Variants in CACNA1E observed in about 807,000 individuals in gnomAD.
The protein encoded by CACNA1E is voltage-dependent R-type calcium channel subunit alpha-1E.
In CACNA1E, 40 loss-of-function variants were observed where a neutral mutation model predicts 259.2. The ratio of observed to expected loss-of-function variants is 0.15; its 90% CI spans 0.12 to 0.20. CACNA1E has a LOEUF of 0.20. Among genes scored for constraint, CACNA1E ranks in the 10% least tolerant of loss-of-function variants. CACNA1E has a pLI of 1.00. For synonymous variants in CACNA1E, 1,104 were observed against 1,138.5 expected (o/e 0.97, Z 0.61); for missense variants, 1,874 against 3,040.1 (o/e 0.62, Z 9.02).
At chr1:181,771,144 A>G (rs1007019315) in intron 35 of CACNA1E, 149 bp from the exon 36 acceptor site, 2 of 584,404 alleles carry the variant, frequency 3.4e-6, no homozygotes, top group Non-Finnish European at 6.2e-6. Context: ...CCAAAAGCAC[A>G]GTATCCAGCA....
At position 181,355,215 on chromosome 1, in the gene CACNA1E, A is replaced by C. The variant is rs534963664; in HGVS notation, c.-15+37092A>C. Among the ~76,000 whole-genome samples the C allele has an allele frequency of 3.9e-5, 6 of 152,200 alleles. No homozygotes were observed. The South Asian group carries it at 1.2e-3, about 32-fold the overall frequency. On this transcript the variant is annotated intron_variant, in intron 1 of 11. Transcript: ENST00000524607. ...CCCAAAGCAAACTCTTCATCCTTTT[A>C]AGCACCAGTTTCCTCATCAGAAAAA... is the stretch of plus-strand genomic sequence containing the variant.
intron 11 of CACNA1E, among the ~76,000 whole-genome samples, chr1:181,717,692 C>A (rs139387138): frequency 4.6e-5 from 7 of 152,120 alleles, no homozygotes; most frequent in Non-Finnish European, 8.8e-5. Flanking sequence ...GATTAGACTG[C>A]CACTGGGTGT....
chr1:181,426,099 C>T (rs760009647), intron 2 of CACNA1E, among the ~76,000 whole-genome samples: 5 of 151,962 alleles, frequency 3.3e-5, no homozygotes, highest in Non-Finnish European at 4.4e-5. Flanking sequence ...GGACAGTGCT[C>T]CTGGTGTGGA....
chr1:181,556,802 A>G lies in CACNA1E; in HGVS notation c.513-20964A>G, dbSNP rs1018329936. 2.6e-5 allele frequency among the ~76,000 whole-genome samples: 4 copies of G among 152,280 alleles called. No homozygotes were observed. In the South Asian group the frequency reaches 8.3e-4, roughly 32 times the overall value. On this transcript the variant is annotated intron_variant, in intron 3 of 47. Coordinates refer to ENST00000367573, the MANE Select transcript of CACNA1E (RefSeq NM_001205293.3). ...GCTCAGGTTTCTCAACAGAGTGAAG[A>G]TCAAAGTGTGTTCAGTGTGGCTGCT...
At chr1:181,557,718 A>G (rs1648883604) in intron 3 of CACNA1E, among the ~76,000 whole-genome samples, 1 of 152,164 alleles carries the variant, frequency 6.6e-6, no homozygotes, top group African/African-American at 2.4e-5. Flanking sequence ...AGCTTTGCTC[A>G]TGTTATCCGC....
intron 1 of CACNA1E, among the ~76,000 whole-genome samples, chr1:181,325,127 C>T (rs984007837): frequency 6.6e-6 from 1 of 152,142 alleles, no homozygotes; most frequent in African/African-American, 2.4e-5. Context: ...ACCTGCCTGC[C>T]GGAAGAGTTG....
intron 1 of CACNA1E, among the ~76,000 whole-genome samples, chr1:181,411,558 T>C (rs1478299721): frequency 6.6e-6 from 1 of 152,174 alleles, no homozygotes; most frequent in East Asian, 1.9e-4. Context: ...GGCTCCAGGG[T>C]CCTTTCCTTC....
At chr1:181,646,691 C>G (rs2102034333) in intron 6 of CACNA1E, among the ~76,000 whole-genome samples, 1 of 152,308 alleles carries the variant, frequency 6.6e-6, no homozygotes, top group East Asian at 1.9e-4. Context: ...AGCTTCAGCT[C>G]AGGGGACCCA....
chr1:181,606,389 G>T (rs1457691468), intron 6 of CACNA1E, among the ~76,000 whole-genome samples: 3 of 152,006 alleles, frequency 2.0e-5, no homozygotes, highest in African/African-American at 7.3e-5. Flanking sequence ...TCACCCTCTT[G>T]TTTTCTGTCT....
At chr1:181,403,112 G>A (rs75327550) in intron 1 of CACNA1E, among the ~76,000 whole-genome samples, 4,812 of 152,082 alleles carry the variant, frequency 0.032, 250 homozygotes, top group African/African-American at 0.11. Context: ...AGGCTCTTCC[G>A]TTTAATGACT....
rs572683684 is a variant in CACNA1E at position 181,766,429 on chromosome 1, C to A, written c.4816-117C>A. On this transcript the variant is annotated intron_variant, in intron 34 of 47. Coordinates refer to ENST00000367573, the MANE Select transcript of CACNA1E (RefSeq NM_001205293.3). ...AGAACAACCCCAGGGAATAGGGAGT[C>A]CCAGTCTGTGTTTGCATTAGCCTCC... The A allele has an allele frequency of 2.2e-5, 16 of 718,084 alleles. No individual in the cohort carries two copies. The South Asian group carries it at 2.4e-4, about 11-fold the overall frequency. The allele number at this position is 718,084 out of a possible 1,614,324, so 44.5% of individuals were successfully genotyped here.
At chr1:181,387,166 C>G (rs932399720) in intron 1 of CACNA1E, among the ~76,000 whole-genome samples, 1 of 151,960 alleles carries the variant, frequency 6.6e-6, no homozygotes, top group African/African-American at 2.4e-5. Context: ...GTCTCATTTG[C>G]CCAGCCCTCG....
rs772565091 is a variant in CACNA1E at position 181,368,285 on chromosome 1, TA to T, written c.-14-44834del. 7.4e-3 allele frequency among the ~76,000 whole-genome samples: 989 copies of T among 132,932 alleles called. 6 individuals are homozygous for T. The highest frequency in any genetic ancestry group is 0.017 in the African/African-American group (626 of 35,774). 87.2% of individuals were successfully genotyped at this position (132,932 alleles called of 152,430 possible). On this transcript the variant is annotated intron_variant, in intron 1 of 11. Transcript: ENST00000524607. Reference sequence around the variant, plus strand: ...TTTAGACAGAGAAAGAGACTCTGTCTAAAAAAAAAAAAAATACATCGCAAAT... The same window carrying T: ...TTTAGACAGAGAAAGAGACTCTGTCTAAAAAAAAAAAAATACATCGCAAAT...
intron 2 of CACNA1E, among the ~76,000 whole-genome samples, chr1:181,470,820 C>T (rs570986553): frequency 2.5e-4 from 38 of 152,268 alleles, no homozygotes; most frequent in African/African-American, 7.0e-4. Flanking sequence ...TGCTCTTCTA[C>T]GCTAGGCCCT....
chr1:181,329,289 C>G lies in CACNA1E; in HGVS notation c.-15+11166C>G, dbSNP rs35363671. On this transcript the variant is annotated intron_variant, in intron 1 of 11. Coordinates refer to the CACNA1E transcript ENST00000524607. Reference sequence around the variant, plus strand: ...CTCCCTTGGACAACCACAACAGCCTCCTAACCAATCTCTCCACTTCCTCTC... The same window carrying G: ...CTCCCTTGGACAACCACAACAGCCTGCTAACCAATCTCTCCACTTCCTCTC... 1.2e-3 allele frequency among the ~76,000 whole-genome samples: 183 copies of G among 152,244 alleles called. 1 individual carries two copies. The highest frequency in any genetic ancestry group is 2.0e-3 in the Non-Finnish European group (138 of 68,004).
chr1:181,492,037 G>A (rs533515483), intron 1 of CACNA1E, among the ~76,000 whole-genome samples: 58 of 152,282 alleles, frequency 3.8e-4, no homozygotes, highest in South Asian at 8.3e-4. Context: ...GAATTGGGAG[G>A]CTGTAAAAGA....
At chr1:181,518,921 A>G (rs1666791726) in intron 3 of CACNA1E, among the ~76,000 whole-genome samples, 1 of 152,198 alleles carries the variant, frequency 6.6e-6, no homozygotes, top group South Asian at 2.1e-4. Context: ...GAGTGAAGAA[A>G]GCTTCGAAAT....
At chr1:181,596,128 AG>A (rs1040558325) in intron 6 of CACNA1E, among the ~76,000 whole-genome samples, 5 of 152,266 alleles carry the variant, frequency 3.3e-5, no homozygotes, top group African/African-American at 9.6e-5. Flanking sequence ...TGAGAGAAAG[AG>A]GCCAAAAGAA....
At chr1:181,575,490 C>T (rs1176879477) in intron 3 of CACNA1E, among the ~76,000 whole-genome samples, 2 of 152,142 alleles carry the variant, frequency 1.3e-5, no homozygotes, top group Non-Finnish European at 2.9e-5. Context: ...TCTTTTACTG[C>T]TCACTCTTCT....
Sources: allele counts gnomAD v4.1 joint callset (sites outside exome capture counted in the v4.1 genomes callset), GRCh38; gene constraint gnomAD v4.1.1; transcripts MANE v1.5; gene names NCBI Gene and HGNC (gene_info 2026-07-23, HGNC 2026-07-21).